PIAS3: variants seen among roughly 807,000 people sequenced by gnomAD.
PIAS3 encodes the protein E3 SUMO-protein ligase PIAS3.
PIAS3 carries 34 observed loss-of-function variants against 67.6 expected under a neutral mutation model. That is an observed-to-expected ratio of 0.50 (90% CI 0.38 to 0.67). The LOEUF (loss-of-function observed/expected upper bound fraction) is 0.67, where lower values mean the gene tolerates loss of function less well. PIAS3 is among the 30% of genes least tolerant of loss of function. PIAS3 has a pLI of 0.00. For missense variants in PIAS3, 693 were observed against 791.6 expected, an observed-to-expected ratio of 0.88 and a Z score of 1.49; for synonymous variants, 341 against 313.8, an observed-to-expected ratio of 1.09 and a Z score of -0.92.
intron 3 of PIAS3, 111 bp from the exon 4 acceptor site, chr1:145,856,229 CAGA>C: frequency 7.9e-7 from 1 of 1,261,148 alleles, no homozygotes; most frequent in Non-Finnish European, 1.2e-6. Context: ...AAGAGACACA[CAGA>C]AGAACAAGAG....
chr1:145,850,190 A>C, intron 13 of PIAS3, 42 bp downstream of exon 13: 1 of 1,613,344 alleles, frequency 6.2e-7, no homozygotes, highest in South Asian at 1.1e-5. Flanking sequence ...CTAGAAAGGA[A>C]GCTTCAGAGA....
chr1:145,848,991 G>A lies in PIAS3; in HGVS notation c.*455C>T, dbSNP rs587619997. ...AGTTTTTCCACCTGTCTGTTTGGCCGAAGGGAATGGAATAGACATGAAGAG... is the reference window on the plus strand; with the variant it reads ...AGTTTTTCCACCTGTCTGTTTGGCCAAAGGGAATGGAATAGACATGAAGAG... On this transcript the variant is annotated 3_prime_UTR_variant, in exon 14 of 14. Coordinates refer to ENST00000393045, the MANE Select transcript of PIAS3 (RefSeq NM_006099.3). The A allele has an allele frequency of 1.4e-4, 22 of 161,934 alleles. No individual in the cohort carries two copies. Among genetic ancestry groups the A allele is most frequent in the East Asian group, 7.2e-4 (4 of 5,590 alleles). 10.0% of individuals were successfully genotyped at this position (161,934 alleles called of 1,614,324 possible). A position where few individuals can be genotyped will look rare whatever the true frequency, so the allele number is the denominator to read the frequency against.
chr1:145,849,598 T>A lies in PIAS3; in HGVS notation c.1735A>T (p.Ser579Cys), dbSNP rs1652872242. ...FLGPLAPTLG[S>C]SHCSATPAPP... ...GCCGGAGTGGCGCTGCAGTGGGAGC[T>A]CCCCAGCGTGGGGGCCAGTGGGCCC... The change falls in exon 14 of 14, where the codon AGC becomes TGC. Residue 579 changes from serine (S) to cysteine (C), a missense_variant. By Grantham distance (112) the Ser-to-Cys change is moderately radical. Coordinates refer to ENST00000393045, the MANE Select transcript of PIAS3 (RefSeq NM_006099.3). 3 of 1,612,542 alleles carry A rather than the reference T, an allele frequency of 1.9e-6. No individual in the cohort carries two copies. Among genetic ancestry groups the A allele is most frequent in the Non-Finnish European group, 2.5e-6 (3 of 1,179,412 alleles).
Position 145,856,890 on chromosome 1 carries a change from G to A in PIAS3, c.141C>T (p.Ser47=), listed in dbSNP as rs1355037471. The stretch of plus-strand genomic sequence containing the variant: ...TCATCTGGACACTAGGGGCACAGCT[G>A]GACTTCAGGAGGTGCAGAGCCTTGG... ...LLAKALHLLK[S]SCAPSVQMKI... Residue 47 remains serine, a synonymous_variant, in exon 2 of 14, where the codon TCC becomes TCT. Coordinates refer to ENST00000393045, the MANE Select transcript of PIAS3 (RefSeq NM_006099.3). 5 of 1,614,166 alleles carry A rather than the reference G, an allele frequency of 3.1e-6. No individual in the cohort carries two copies. In the South Asian group the frequency reaches 4.4e-5, roughly 14 times the overall value.
At chr1:145,854,403 G>A (rs933000607) in intron 7 of PIAS3, 55 bp downstream of exon 7, 2 of 1,223,580 alleles carry the variant, frequency 1.6e-6, no homozygotes, top group East Asian at 2.3e-5. Context: ...AGGCTGGAGG[G>A]CCAGGAAGAC....
rs1653214618 is a variant in PIAS3, at chr1:145,856,931, T to C, written c.100A>G (p.Lys34Glu). 1.2e-6 allele frequency: 2 copies of C among 1,614,086 alleles called. No individual in the cohort carries two copies. Among genetic ancestry groups the C allele is most frequent in the Non-Finnish European group, 1.7e-6 (2 of 1,179,972 alleles). Residue 34 changes from lysine to glutamate, a missense_variant, in exon 2 of 14, where the codon AAG (lysine) becomes GAG (glutamate). Transcript: ENST00000393045. ...GFAGRNKSGR[K>E]HELLAKALHL... ...AGAGCCTTGGCCAGGAGCTCGTGCT[T>C]CCGTCCACTCTTGTTCCGGCCAGCA...
chr1:145,849,830 C>A, intron 13 of PIAS3, 118 bp from the exon 14 acceptor site: 5 of 1,484,250 alleles, frequency 3.4e-6, no homozygotes, highest in Non-Finnish European at 4.5e-6. Context: ...AAGGTATTCT[C>A]TTGAGAAGCA....
chr1:145,854,149 G>C, intron 7 of PIAS3: 1 of 595,772 alleles, frequency 1.7e-6, no homozygotes, highest in South Asian at 2.0e-5. Flanking sequence ...GAAGCATCAT[G>C]TGAGGGTTAG....
Position 145,856,864 on chromosome 1 carries a change from T to C in PIAS3, c.167A>G (p.Lys56Arg). 2 of 1,614,096 alleles carry C rather than the reference T, an allele frequency of 1.2e-6. No homozygotes were observed. The highest frequency in any genetic ancestry group is 1.7e-6 in the Non-Finnish European group (2 of 1,179,982). The change falls in exon 2 of 14, where the codon AAG (lysine) becomes AGG (arginine). Residue 56 changes from lysine to arginine, a missense_variant. This residue lies in a region of PIAS3 where 308 missense variants were observed against 348.8 expected (regional missense o/e 0.88). Coordinates refer to ENST00000393045, the MANE Select transcript of PIAS3 (RefSeq NM_006099.3). ...KSSCAPSVQM[K>R]IKELYRRRFP... ...GCGTCGTCGGTAAAGCTCTTTGATC[T>C]TCATCTGGACACTAGGGGCACAGCT... is the stretch of plus-strand genomic sequence containing the variant.
intron 1 of PIAS3, among the ~76,000 whole-genome samples, chr1:145,858,371 C>T (rs1461804882): frequency 6.6e-6 from 1 of 152,070 alleles, no homozygotes; most frequent in African/African-American, 2.4e-5. Flanking sequence ...CCAAACACCG[C>T]GATTCACTAC....
Position 145,855,018 on chromosome 1 carries a change from G to A in PIAS3, c.670-138C>T, listed in dbSNP as rs1452989409. The A allele has an allele frequency of 3.0e-6, 3 of 987,166 alleles. No individual in the cohort carries two copies. In the African/African-American group the frequency reaches 4.8e-5, roughly 16 times the overall value. The allele number at this position is 987,166 out of a possible 1,614,324, so 61.2% of individuals were successfully genotyped here. ...CGCTCACTCACTGACCAAGGGGATG[G>A]AGGCCCATTCAGTGGCTCACAAAAC... is the stretch of plus-strand genomic sequence containing the variant. On this transcript the variant is annotated intron_variant, in intron 5 of 13. Transcript: ENST00000393045.
rs180898434 is a variant in PIAS3, at chr1:145,850,312, C to T, written c.1583-43G>A. 43 of 1,613,916 alleles carry T rather than the reference C, an allele frequency of 2.7e-5. No individual in the cohort carries two copies. In the East Asian group the frequency reaches 9.1e-4, roughly 34 times the overall value. On this transcript the variant is annotated intron_variant, in intron 12 of 13. Transcript: ENST00000393045. ...ATCAAAATTAACCTCCTATCTGACC[C>T]CTTTACCACCAAAAGACAAAGCACT...
In PIAS3 at chr1:145,849,086, G is replaced by A; in HGVS notation, c.*360C>T. Reference sequence around the variant, plus strand: ...AGAAGAGAGAGCATTTGGGGTTCAAGAGAGGTGCCCCTTCCCCAAGAGGCT... The same window carrying A: ...AGAAGAGAGAGCATTTGGGGTTCAAAAGAGGTGCCCCTTCCCCAAGAGGCT... On this transcript the variant is annotated 3_prime_UTR_variant, in exon 14 of 14. Coordinates refer to ENST00000393045, the MANE Select transcript of PIAS3 (RefSeq NM_006099.3). 1 of 188,986 alleles carries A rather than the reference G, an allele frequency of 5.3e-6. No individual in the cohort carries two copies. Among genetic ancestry groups the A allele is most frequent in the Non-Finnish European group, 1.1e-5 (1 of 92,658 alleles). The allele number at this position is 188,986 out of a possible 1,614,324, so 11.7% of individuals were successfully genotyped here.
At position 145,848,720 on chromosome 1, in the gene PIAS3, G is replaced by GGGGGGAATAAGA. The variant is rs1652833280; in HGVS notation, c.*714_*725dup. On this transcript the variant is annotated 3_prime_UTR_variant, in exon 14 of 14. Coordinates refer to ENST00000393045, the MANE Select transcript of PIAS3 (RefSeq NM_006099.3). Reference sequence around the variant, plus strand: ...AGGGCCATGAGCCTCTAGAAGCTTAGGGGGGAATAAGAAACACTGTGAACT... The same window carrying GGGGGGAATAAGA: ...AGGGCCATGAGCCTCTAGAAGCTTAGGGGGGAATAAGAGGGGGAATAAGAAACACTGTGAACT... 8.2e-6 allele frequency: 3 copies of GGGGGGAATAAGA among 364,228 alleles called. No individual in the cohort carries two copies. Among genetic ancestry groups the GGGGGGAATAAGA allele is most frequent in the Non-Finnish European group, 4.3e-6 (1 of 234,902 alleles). The allele number at this position is 364,228 out of a possible 1,614,324, so 22.6% of individuals were successfully genotyped here. A position where few individuals can be genotyped will look rare whatever the true frequency, so the allele number is the denominator to read the frequency against.
rs1652855825 is a variant in PIAS3 at position 145,849,236 on chromosome 1, A to G, written c.*210T>C. Reference sequence around the variant, plus strand: ...CACCATCTAAAGAACATTTCCAGAAACAGACCCCAGTGTCCTTAAAAAGAG... The same window carrying G: ...CACCATCTAAAGAACATTTCCAGAAGCAGACCCCAGTGTCCTTAAAAAGAG... On this transcript the variant is annotated 3_prime_UTR_variant, in exon 14 of 14. Coordinates refer to ENST00000393045, the MANE Select transcript of PIAS3 (RefSeq NM_006099.3). The G allele has an allele frequency of 9.7e-6, 4 of 411,712 alleles. No individual in the cohort carries two copies. Among genetic ancestry groups the G allele is most frequent in the Middle Eastern group, 1.2e-3 (2 of 1,620 alleles). 25.5% of individuals were successfully genotyped at this position (411,712 alleles called of 1,614,324 possible).
At chr1:145,856,158 C>T in intron 3 of PIAS3, 40 bp from the exon 4 acceptor site, 4 of 1,562,526 alleles carry the variant, frequency 2.6e-6, no homozygotes, top group Non-Finnish European at 3.5e-6. Flanking sequence ...CAGCATGTAG[C>T]CCCCAGAGGG....
chr1:145,854,423 G>T (rs1653079492), intron 7 of PIAS3, 35 bp downstream of exon 7: 1 of 1,413,884 alleles, frequency 7.1e-7, no homozygotes, highest in South Asian at 1.2e-5. Flanking sequence ...CTTGAATCCA[G>T]ATCAGGTGGG....
chr1:145,851,023 C>T lies in PIAS3; in HGVS notation c.1276G>A (p.Asp426Asn). The T allele has an allele frequency of 1.2e-6, 2 of 1,614,224 alleles. No homozygotes were observed. The highest frequency in any genetic ancestry group is 2.2e-5 in the East Asian group (1 of 44,880). Reference sequence around the variant, plus strand: ...TGGGGAACAGGGGGTCACTCACCATCCAGCCCATACCCTGGCGGGGGGCAA... The same window carrying T: ...TGGGGAACAGGGGGTCACTCACCATTCAGCCCATACCCTGGCGGGGGGCAA... ...EVCPPPGYGL[D>N]GLQYSPVQGG... The change falls in exon 10 of 14, where the codon GAT (aspartate) becomes AAT (asparagine). Residue 426 changes from aspartate (D) to asparagine (N), a missense_variant. By Grantham distance (23) the Asp-to-Asn change is conservative (BLOSUM62 1). Transcript: ENST00000393045.
intron 9 of PIAS3, among the ~76,000 whole-genome samples, chr1:145,852,623 A>G (rs1653008714): frequency 6.6e-6 from 1 of 151,078 alleles, no homozygotes; most frequent in African/African-American, 2.4e-5. Flanking sequence ...CAGGGTCTCA[A>G]TCTGTTGCCC....
Sources: gnomAD v4.1 joint callset for allele counts (sites outside exome capture counted in the v4.1 genomes callset) on GRCh38, gnomAD v4.1.1 for gene constraint, gnomAD v4.1.1 regional missense constraint, MANE v1.5 for transcripts, NCBI Gene and HGNC (gene_info 2026-07-23, HGNC 2026-07-21) for gene names.